The following HPSE2 variants were observed in gnomAD, a reference collection of about 807,000 sequenced individuals.
The protein encoded by HPSE2 is heparanase 2 (inactive), also known as inactive heparanase-2.
Under a neutral mutation model 60.5 loss-of-function variants are expected in HPSE2, and 38 were observed. That is an observed-to-expected ratio of 0.63 (90% confidence interval 0.48 to 0.82). The LOEUF (loss-of-function observed/expected upper bound fraction) is 0.82. Ranked by LOEUF, HPSE2 falls within the 40% of genes least tolerant of loss-of-function variation. The pLI, the probability that HPSE2 is intolerant of heterozygous loss-of-function variation, is 0.00. For synonymous variants in HPSE2, 295 were observed against 293.2 expected (o/e 1.01, Z -0.06); for missense variants, 713 against 740.4 (o/e 0.96, Z 0.43).
chr10:99,267,907 GCCTTGCTAGAGACCTAAACAC>G, the HPSE2 span, among the ~76,000 whole-genome samples: 1 of 152,110 alleles, frequency 6.6e-6, no homozygotes, highest in Non-Finnish European at 1.5e-5. Flanking sequence ...AACTTCCCTG[GCCTTGCTAGAGACCTAAACAC>G]CCAAATACAA....
chr10:99,232,998 T>C (rs1027800943), intron 1 of HPSE2, among the ~76,000 whole-genome samples: 1 of 152,264 alleles, frequency 6.6e-6, no homozygotes, highest in Admixed American at 6.5e-5. Context: ...CAAACCTCCG[T>C]GCAGGAGGTG....
chr10:99,049,984 A>G (rs1418487105), intron 3 of HPSE2, among the ~76,000 whole-genome samples: 1 of 152,208 alleles, frequency 6.6e-6, no homozygotes, highest in African/African-American at 2.4e-5. Context: ...ACATGAAAAT[A>G]TAGAGAACAT....
In HPSE2 at chr10:98,585,240, C is replaced by T. The variant is rs77229346; in HGVS notation, c.1320+29664G>A. Among the ~76,000 whole-genome samples, 327 of 150,822 alleles carry T rather than the reference C, an allele frequency of 2.2e-3. 1 individual carries two copies. Among genetic ancestry groups the T allele is most frequent in the Middle Eastern group, 6.8e-3 (2 of 292 alleles). Reference sequence around the variant, plus strand: ...GAAAGGTACCAAGTTCTACCAAAAGCGCTTCTTTATTTTAAAAGTTGTTTT... The same window carrying T: ...GAAAGGTACCAAGTTCTACCAAAAGTGCTTCTTTATTTTAAAAGTTGTTTT... On this transcript the variant is annotated intron_variant, in intron 9 of 11. Transcript: ENST00000370552.
chr10:98,518,228 G>A (rs1462407578), intron 9 of HPSE2, among the ~76,000 whole-genome samples: 2 of 152,202 alleles, frequency 1.3e-5, no homozygotes, highest in African/African-American at 4.8e-5. Context: ...CCATGGGTGA[G>A]AGGTCTGCTG....
At chr10:98,950,124 G>T (rs1383621529) in intron 3 of HPSE2, among the ~76,000 whole-genome samples, 1 of 152,114 alleles carries the variant, frequency 6.6e-6, no homozygotes, top group Non-Finnish European at 1.5e-5. Flanking sequence ...CATAGAGCAT[G>T]ATACAGCGTG....
chr10:98,876,209 T>G (rs532277852), intron 3 of HPSE2, among the ~76,000 whole-genome samples: 21 of 151,882 alleles, frequency 1.4e-4, no homozygotes, highest in Non-Finnish European at 2.8e-4. Flanking sequence ...TAACTTTATG[T>G]TTAAACAAAA....
At position 98,970,643 on chromosome 10, in the gene HPSE2, G is replaced by C. The variant is rs151085623; in HGVS notation, c.610+173595C>G. On this transcript the variant is annotated intron_variant, in intron 3 of 11. Transcript: ENST00000370552. ...TTATCATTGCATTCCTTGAATTCAG[G>C]AAAGTGCTAACACAAAAAAGTGGCC... is the stretch of plus-strand genomic sequence containing the variant. Among the ~76,000 whole-genome samples the C allele has an allele frequency of 5.3e-5, 8 of 152,268 alleles. 1 individual carries two copies. The East Asian group carries it at 1.5e-3, about 29-fold the overall frequency.
At chr10:99,022,460 C>A (rs1484828812) in intron 3 of HPSE2, among the ~76,000 whole-genome samples, 1 of 152,126 alleles carries the variant, frequency 6.6e-6, no homozygotes, top group Non-Finnish European at 1.5e-5. Context: ...TAGTGTTAAA[C>A]TAGGCCCAGA....
At chr10:99,298,859 G>C in the HPSE2 span, among the ~76,000 whole-genome samples, 1 of 152,056 alleles carries the variant, frequency 6.6e-6, no homozygotes, top group Non-Finnish European at 1.5e-5. Context: ...ATTTTTAGTA[G>C]AGATGGGGTT....
chr10:99,121,395 A>G (rs1452162754), intron 3 of HPSE2, among the ~76,000 whole-genome samples: 2 of 152,182 alleles, frequency 1.3e-5, no homozygotes, highest in Non-Finnish European at 2.9e-5. Flanking sequence ...CCCCCATGAC[A>G]CAAATTTACC....
intron 3 of HPSE2, among the ~76,000 whole-genome samples, chr10:99,000,376 C>T (rs1956749918): frequency 6.6e-6 from 1 of 151,878 alleles, no homozygotes; most frequent in Non-Finnish European, 1.5e-5. Context: ...ACACAATTAC[C>T]CAAGAGAAAG....
intron 9 of HPSE2, among the ~76,000 whole-genome samples, chr10:98,569,749 T>C (rs1944444168): frequency 6.6e-6 from 1 of 152,112 alleles, no homozygotes; most frequent in Non-Finnish European, 1.5e-5. Flanking sequence ...TGAGCAGGGC[T>C]AAAGGAAGAT....
intron 3 of HPSE2, among the ~76,000 whole-genome samples, chr10:98,843,782 G>A (rs191905808): frequency 1.9e-4 from 29 of 152,296 alleles, no homozygotes; most frequent in Admixed American, 1.8e-3. Context: ...GTTGGGGAAA[G>A]GTTATTGAAA....
intron 5 of HPSE2, among the ~76,000 whole-genome samples, chr10:98,694,525 AAATAG>A (rs1286605871): frequency 1.3e-5 from 2 of 152,192 alleles, no homozygotes; most frequent in African/African-American, 4.8e-5. Context: ...TGGAGCAGCT[AAATAG>A]AGTACTGAGT....
intron 2 of HPSE2, among the ~76,000 whole-genome samples, chr10:99,152,453 A>T (rs1846309769): frequency 6.6e-6 from 1 of 152,178 alleles, no homozygotes. Flanking sequence ...AATACACTAG[A>T]AATTGTAAAT....
At chr10:99,038,417 A>G (rs1025639572) in intron 3 of HPSE2, among the ~76,000 whole-genome samples, 3 of 152,180 alleles carry the variant, frequency 2.0e-5, no homozygotes, top group Non-Finnish European at 4.4e-5. Flanking sequence ...ACAATCTCAA[A>G]AAGTCAATTA....
intron 9 of HPSE2, among the ~76,000 whole-genome samples, chr10:98,535,998 C>T (rs1407125669): frequency 2.6e-5 from 4 of 152,180 alleles, no homozygotes; most frequent in African/African-American, 9.7e-5. Context: ...CAAACACAGA[C>T]AGAATCTTCT....
intron 3 of HPSE2, among the ~76,000 whole-genome samples, chr10:98,876,403 A>T (rs1952878538): frequency 6.6e-6 from 1 of 151,840 alleles, no homozygotes; most frequent in Admixed American, 6.6e-5. Context: ...TCCAAATCAA[A>T]TGTTCCATGG....
chr10:99,087,623 T>A (rs928441248), intron 3 of HPSE2, among the ~76,000 whole-genome samples: 5 of 152,182 alleles, frequency 3.3e-5, no homozygotes, highest in Admixed American at 2.0e-4. Context: ...CCGGGTGGGA[T>A]CCTGTGTGGC....
Sources: allele counts gnomAD v4.1 joint callset (sites outside exome capture counted in the v4.1 genomes callset), GRCh38; gene constraint gnomAD v4.1.1; transcripts MANE v1.5; gene names NCBI Gene and HGNC (gene_info 2026-07-23, HGNC 2026-07-21).